ERCC2: variants seen among roughly 807,000 people sequenced by gnomAD.
The protein encoded by ERCC2 is general transcription and DNA repair factor IIH helicase subunit XPD.
ERCC2 carries 90 observed loss-of-function variants against 99.4 expected under a neutral mutation model. The observed-to-expected ratio is 0.91, with a 90% confidence interval of 0.76 to 1.08. The LOEUF (loss-of-function observed/expected upper bound fraction) is 1.08, where lower values mean the gene tolerates loss of function less well. Among genes scored for constraint, ERCC2 ranks in the 50% least tolerant of loss-of-function variants. The probability of loss-of-function intolerance (pLI) is 0.00; values close to 1 mark genes in which losing one functional copy is unlikely to be tolerated. For synonymous variants in ERCC2, 497 were observed against 432.4 expected (o/e 1.15, Z -1.85); for missense variants, 993 against 1,038.1 (o/e 0.96, Z 0.60).
In ERCC2 at chr19:45,370,544, G is replaced by T. The variant is rs745672678; in HGVS notation, c.-4C>A. 2 of 1,591,702 alleles carry T rather than the reference G, an allele frequency of 1.3e-6. No homozygotes were observed. Among genetic ancestry groups the T allele is most frequent in the Non-Finnish European group, 1.7e-6 (2 of 1,174,486 alleles). Reference sequence around the variant, plus strand: ...CCCAGCCCCCTTCTCACTTCATGGCGCCGGCCGGACTGTGCAGCGGGGTCG... The same window carrying T: ...CCCAGCCCCCTTCTCACTTCATGGCTCCGGCCGGACTGTGCAGCGGGGTCG... On this transcript the variant is annotated 5_prime_UTR_variant, in exon 1 of 23. Coordinates refer to ENST00000391945, the MANE Select transcript of ERCC2 (RefSeq NM_000400.4).
At position 45,353,060 on chromosome 19, in the gene ERCC2, G is replaced by A. The variant is rs765598288; in HGVS notation, c.1831+23C>T. On this transcript the variant is annotated intron_variant, in intron 19 of 22. Transcript: ENST00000391945. ...AGAGAGCTCTGGGAAGACACCTGGG[G>A]AGGAAGAGCCCAGTCCACTCACCAA... 2.6e-5 allele frequency: 42 copies of A among 1,608,346 alleles called. 1 individual carries two copies. In the South Asian group the frequency reaches 4.6e-4, roughly 18 times the overall value.
chr19:45,370,469 A>C (rs1599753296), intron 1 of ERCC2, 67 bp downstream of exon 1: 5 of 1,042,828 alleles, frequency 4.8e-6, no homozygotes, highest in South Asian at 2.0e-5. Context: ...AGGCGCGCCC[A>C]CCGATGACCC....
chr19:45,355,759 G>C, intron 15 of ERCC2, 31 bp from the exon 16 acceptor site: 5 of 1,603,368 alleles, frequency 3.1e-6, no homozygotes, highest in Non-Finnish European at 4.3e-6. Flanking sequence ...CGATAAGCGA[G>C]GCAGCAGCAA....
At chr19:45,358,634 T>C (rs1972098156) in intron 12 of ERCC2, 2 of 578,162 alleles carry the variant, frequency 3.5e-6, no homozygotes, top group Non-Finnish European at 6.2e-6. Flanking sequence ...GCTGGTCCCA[T>C]GTGGCCTGGA....
chr19:45,370,511 G>A (rs1972573040), intron 1 of ERCC2, 25 bp downstream of exon 1: 1 of 1,575,530 alleles, frequency 6.3e-7, no homozygotes, highest in Non-Finnish European at 8.6e-7. Context: ...CCGCTAGCGA[G>A]CGCGACCCCC....
intron 22 of ERCC2, 46 bp downstream of exon 22, chr19:45,352,163 A>G: frequency 6.2e-7 from 1 of 1,606,556 alleles, no homozygotes. Flanking sequence ...TTTCTGGAGG[A>G]GAAGCTCAGC....
rs1444284251 is a variant in ERCC2 at position 45,363,932 on chromosome 19, CG to C, written c.950-22del. 8 of 1,534,710 alleles carry C rather than the reference CG, an allele frequency of 5.2e-6. No homozygotes were observed. In the African/African-American group the frequency reaches 1.1e-4, roughly 22 times the overall value. On this transcript the variant is annotated intron_variant, in intron 10 of 22. Coordinates refer to ENST00000391945, the MANE Select transcript of ERCC2 (RefSeq NM_000400.4). ...TGCCTCTGCGAGGAGACGCTATCAG[CG>C]GCGACGGGGAGGCGGGAAAGGGACT... is the stretch of plus-strand genomic sequence containing the variant.
At chr19:45,357,742 G>A in intron 12 of ERCC2, 43 bp from the exon 13 acceptor site, 2 of 1,543,980 alleles carry the variant, frequency 1.3e-6, no homozygotes, top group Non-Finnish European at 1.8e-6. Context: ...CCCCACTACA[G>A]CCACAGCTGC....
chr19:45,352,475 T>C, intron 21 of ERCC2, 31 bp downstream of exon 21: 7 of 1,614,084 alleles, frequency 4.3e-6, no homozygotes, highest in Non-Finnish European at 5.9e-6. Flanking sequence ...GAGCCTGGGA[T>C]GGGAGCACAG....
intron 5 of ERCC2, among the ~76,000 whole-genome samples, chr19:45,366,886 C>G (rs1972440180): frequency 6.6e-6 from 1 of 151,978 alleles, no homozygotes; most frequent in South Asian, 2.1e-4. Flanking sequence ...ATACAAAAAA[C>G]TAGCAGGGCG....
rs374447111 is a variant in ERCC2 at position 45,368,782 on chromosome 19, T to C, written c.247-39A>G. ...GGGGGGCAGGGGGAGCTTGTGCTCA[T>C]TGGAGGCACAAACCCCTGCCCTGCC... On this transcript the variant is annotated intron_variant, in intron 4 of 22. Coordinates refer to ENST00000391945, the MANE Select transcript of ERCC2 (RefSeq NM_000400.4). 5.7e-6 allele frequency: 9 copies of C among 1,565,468 alleles called. No individual in the cohort carries two copies. In the African/African-American group the frequency reaches 6.8e-5, roughly 12 times the overall value.
rs199551160 is a variant in ERCC2, at chr19:45,354,811, G to A, written c.1584C>T (p.Ser528=). 3.4e-5 allele frequency: 55 copies of A among 1,613,990 alleles called. No individual in the cohort carries two copies. Among genetic ancestry groups the A allele is most frequent in the South Asian group, 1.8e-4 (16 of 91,088 alleles). Residue 528 remains serine (S), a synonymous_variant, in exon 17 of 23, where the codon TCC becomes TCT. Coordinates refer to ENST00000391945, the MANE Select transcript of ERCC2 (RefSeq NM_000400.4). Reference sequence around the variant, plus strand: ...CCACGATGCCATCAGGGACCACAGCGGACATCTCCAGCAGGAGGTTCCCAT... The same window carrying A: ...CCACGATGCCATCAGGGACCACAGCAGACATCTCCAGCAGGAGGTTCCCAT... ...RNYGNLLLEM[S]AVVPDGIVAF...
chr19:45,364,868 G>C lies in ERCC2; in HGVS notation c.564C>G (p.Gly188=), dbSNP rs371181837. 6.2e-7 allele frequency: 1 copy of C among 1,613,774 alleles called. No individual in the cohort carries two copies. ...ATCGAGCAAGGAAGTATGGGCACCA[G>C]CCCTGGCGCCGCCCCAGGGCCTTCA... ...DDLKALGRRQ[G]WCPYFLARYS... Residue 188 remains glycine, a synonymous_variant, in exon 7 of 23, where the codon GGC becomes GGG. Coordinates refer to ENST00000391945, the MANE Select transcript of ERCC2 (RefSeq NM_000400.4).
In ERCC2 at chr19:45,368,656, G is replaced by A. The variant is rs760820378; in HGVS notation, c.334C>T (p.Arg112Cys). The A allele has an allele frequency of 1.5e-5, 25 of 1,613,788 alleles. No individual in the cohort carries two copies. Among genetic ancestry groups the A allele is most frequent in the Middle Eastern group, 1.7e-4 (1 of 6,060 alleles). Residue 112 changes from arginine to cysteine, a missense_variant, in exon 5 of 23, where the codon CGC becomes TGC. Physicochemically the swap from Arg to Cys is radical, Grantham distance 180. Around this residue, in one of 3 missense-constraint regions of ERCC2, gnomAD observed 909 missense variants for 930.8 expected, o/e 0.98. Coordinates refer to ENST00000391945, the MANE Select transcript of ERCC2 (RefSeq NM_000400.4). ...LPFLGLALSS[R>C]KNLCIHPEVT... Reference sequence around the variant, plus strand: ...TCAGGGTGAATACACAAGTTTTTGCGGGAGCTCAGAGCCAGTCCCAGAAAC... The same window carrying A: ...TCAGGGTGAATACACAAGTTTTTGCAGGAGCTCAGAGCCAGTCCCAGAAAC...
At chr19:45,359,078 T>C in intron 12 of ERCC2, 2 of 599,046 alleles carry the variant, frequency 3.3e-6, no homozygotes. Context: ...CCTCAGATAG[T>C]GATGACTGAG....
chr19:45,352,930 C>G, intron 19 of ERCC2, 114 bp from the exon 20 acceptor site: 1 of 1,241,122 alleles, frequency 8.1e-7, no homozygotes, highest in Admixed American at 1.8e-5. Flanking sequence ...GGTGTGTTCC[C>G]GCCGGGTGCC....
intron 12 of ERCC2, chr19:45,358,283 G>C (rs892554953): frequency 3.2e-5 from 6 of 185,490 alleles, no homozygotes; most frequent in Non-Finnish European, 6.8e-5. Context: ...GGCTCCCAAA[G>C]TGCCAGGATT....
At chr19:45,357,851 C>T in intron 12 of ERCC2, 152 bp from the exon 13 acceptor site, 1 of 728,092 alleles carries the variant, frequency 1.4e-6, no homozygotes, top group Non-Finnish European at 2.4e-6. Flanking sequence ...TGCTTAAGCC[C>T]CAAACCAGGC....
At chr19:45,357,777 G>A (rs1282833337) in intron 12 of ERCC2, 78 bp from the exon 13 acceptor site, 7 of 1,290,030 alleles carry the variant, frequency 5.4e-6, no homozygotes, top group Non-Finnish European at 7.8e-6. Context: ...TCCCTCTCCT[G>A]CTCCCTCGCT....
Sources: allele counts gnomAD v4.1 joint callset (sites outside exome capture counted in the v4.1 genomes callset), GRCh38; gene constraint gnomAD v4.1.1; regional missense constraint gnomAD v4.1.1; transcripts MANE v1.5; gene names NCBI Gene and HGNC (gene_info 2026-07-23, HGNC 2026-07-21).